TMCO1: variants seen among roughly 807,000 people sequenced by gnomAD.
TMCO1 encodes the protein calcium load-activated calcium channel.
A neutral mutation model predicts 29.3 loss-of-function variants in TMCO1; 29 were observed. That is an observed-to-expected ratio of 0.99 (90% confidence interval 0.74 to 1.35). The LOEUF is 1.35. TMCO1 is among the 40% of genes most tolerant of loss of function. TMCO1 has a pLI of 0.00. For synonymous variants in TMCO1, 80 were observed against 77.1 expected (o/e 1.04, Z -0.20); for missense variants, 173 against 225.5 (o/e 0.77, Z 1.49).
intron 6 of TMCO1, among the ~76,000 whole-genome samples, chr1:165,735,142 T>C (rs1473564849): frequency 1.3e-5 from 2 of 152,174 alleles, no homozygotes; most frequent in Non-Finnish European, 2.9e-5. Flanking sequence ...TGACAATCTC[T>C]TTCTCTCCCT....
At chr1:165,743,739 C>T (rs759587890) in intron 5 of TMCO1, among the ~76,000 whole-genome samples, 6 of 151,970 alleles carry the variant, frequency 3.9e-5, no homozygotes, top group Non-Finnish European at 7.4e-5. Context: ...TTGCAACCTT[C>T]GCCTCCCGGG....
chr1:165,743,072 A>G, intron 6 of TMCO1, 95 bp downstream of exon 6: 1 of 1,474,440 alleles, frequency 6.8e-7, no homozygotes. Context: ...ACTCAGGAAC[A>G]ATGGGTAAAC....
chr1:165,752,195 T>C, intron 4 of TMCO1, 26 bp from the exon 5 acceptor site: 1 of 1,586,896 alleles, frequency 6.3e-7, no homozygotes, highest in Non-Finnish European at 8.6e-7. Context: ...CAAATTGTCA[T>C]TTTACACTAA....
chr1:165,751,257 A>T (rs998464933), intron 5 of TMCO1, among the ~76,000 whole-genome samples: 1 of 152,198 alleles, frequency 6.6e-6, no homozygotes, highest in Non-Finnish European at 1.5e-5. Flanking sequence ...GACTACCTTC[A>T]TTTTGAAGCA....
chr1:165,759,682 G>GA (rs1300214299), intron 2 of TMCO1, 98 bp from the exon 3 acceptor site: 19 of 1,027,386 alleles, frequency 1.8e-5, no homozygotes, highest in Non-Finnish European at 2.6e-5. Context: ...AAGCTTGCAA[G>GA]AAAGTTACAC....
rs760113101 is a variant in TMCO1 at position 165,754,212 on chromosome 1, T to C, written c.255+16A>G. Reference sequence around the variant, plus strand: ...TATTATGTGGTTAACCATGAAGTTATAGTTAGGTCTCTTACCATTGATAGA... The same window carrying C: ...TATTATGTGGTTAACCATGAAGTTACAGTTAGGTCTCTTACCATTGATAGA... On this transcript the variant is annotated intron_variant, in intron 4 of 6. Coordinates refer to ENST00000367881, the MANE Select transcript of TMCO1 (RefSeq NM_019026.6). 8.7e-6 allele frequency: 14 copies of C among 1,601,456 alleles called. No homozygotes were observed. The South Asian group carries it at 1.3e-4, about 15-fold the overall frequency.
intron 1 of TMCO1, 171 bp downstream of exon 1, chr1:165,768,511 T>C: frequency 6.5e-7 from 1 of 1,548,856 alleles, no homozygotes; most frequent in Non-Finnish European, 8.7e-7. Context: ...GGCAATCGAC[T>C]CCATACTCCC....
intron 3 of TMCO1, among the ~76,000 whole-genome samples, chr1:165,757,168 GT>G (rs1313518989): frequency 6.6e-6 from 1 of 152,132 alleles, no homozygotes; most frequent in Non-Finnish European, 1.5e-5. Flanking sequence ...AATAGAAACA[GT>G]TTCCACAATT....
Position 165,728,504 on chromosome 1 carries a change from C to G in TMCO1, c.469-383G>C, listed in dbSNP as rs142286088. On this transcript the variant is annotated intron_variant, in intron 6 of 6. Coordinates refer to ENST00000367881, the MANE Select transcript of TMCO1 (RefSeq NM_019026.6). ...ATCTCCTGACCTCATGATCTGCCCACCTCGGCCTCCCAAAGTGCTGGGATT... is the reference window on the plus strand; with the variant it reads ...ATCTCCTGACCTCATGATCTGCCCAGCTCGGCCTCCCAAAGTGCTGGGATT... 4.6e-5 allele frequency among the ~76,000 whole-genome samples: 7 copies of G among 152,164 alleles called. No homozygotes were observed. In the East Asian group the frequency reaches 1.4e-3, roughly 30 times the overall value.
chr1:165,726,447 G>A (rs57135493), downstream of TMCO1: 6 of 580,442 alleles, frequency 1.0e-5, no homozygotes, highest in Non-Finnish European at 1.9e-5. Context: ...ATACCCATGA[G>A]GAGGCTGTAA....
intron 6 of TMCO1, among the ~76,000 whole-genome samples, chr1:165,730,095 G>A (rs555048696): frequency 8.6e-5 from 13 of 151,238 alleles, no homozygotes; most frequent in African/African-American, 2.7e-4. Context: ...GCCGAGGCGG[G>A]CGGATCACGA....
At chr1:165,748,758 A>C (rs1335414749) in intron 5 of TMCO1, among the ~76,000 whole-genome samples, 1 of 152,190 alleles carries the variant, frequency 6.6e-6, no homozygotes, top group African/African-American at 2.4e-5. Context: ...ATGGGTTTGG[A>C]CAAATATATA....
intron 3 of TMCO1, among the ~76,000 whole-genome samples, chr1:165,757,433 C>A (rs10918276): frequency 0.52 from 79,702 of 152,074 alleles, 21,503 homozygotes; most frequent in South Asian, 0.72. Flanking sequence ...ATCTTTCAAG[C>A]AATTCTTCAT....
chr1:165,741,071 T>TTG (rs1335932088), intron 6 of TMCO1, among the ~76,000 whole-genome samples: 1 of 152,242 alleles, frequency 6.6e-6, no homozygotes, highest in Non-Finnish European at 1.5e-5. Context: ...CATTTAGCTA[T>TTG]TCAACAAACA....
chr1:165,734,095 A>C (rs1201229726), intron 6 of TMCO1, among the ~76,000 whole-genome samples: 1 of 152,242 alleles, frequency 6.6e-6, no homozygotes, highest in Non-Finnish European at 1.5e-5. Flanking sequence ...TTCACTTCCA[A>C]TTAATCGCAA....
intron 2 of TMCO1, among the ~76,000 whole-genome samples, chr1:165,763,937 T>C (rs1652484309): frequency 6.6e-6 from 1 of 152,386 alleles, no homozygotes; most frequent in South Asian, 2.1e-4. Context: ...TCAACTGTAT[T>C]ACTTTGAATT....
At chr1:165,748,626 G>T (rs73022550) in intron 5 of TMCO1, among the ~76,000 whole-genome samples, 2,023 of 152,282 alleles carry the variant, frequency 0.013, 53 homozygotes, top group African/African-American at 0.047. Context: ...CTGGTGATGA[G>T]AATTGAGTAC....
chr1:165,742,641 C>A (rs1035992939), intron 6 of TMCO1, among the ~76,000 whole-genome samples: 1 of 152,250 alleles, frequency 6.6e-6, no homozygotes, highest in South Asian at 2.1e-4. Context: ...CCCCACTAAT[C>A]GAATGTTATA....
intron 3 of TMCO1, among the ~76,000 whole-genome samples, chr1:165,758,514 C>T (rs769815623): frequency 5.3e-5 from 8 of 152,206 alleles, no homozygotes; most frequent in East Asian, 1.9e-4. Flanking sequence ...CGAGATCACA[C>T]CACTGCACTA....
Sources: gnomAD v4.1 joint callset for allele counts (sites outside exome capture counted in the v4.1 genomes callset) on GRCh38, gnomAD v4.1.1 for gene constraint, MANE v1.5 for transcripts, NCBI Gene and HGNC (gene_info 2026-07-23, HGNC 2026-07-21) for gene names.